CACNA2D3: variants seen among roughly 807,000 people sequenced by gnomAD.
CACNA2D3 encodes voltage-dependent calcium channel subunit alpha-2/delta-3.
A neutral mutation model predicts 160.6 loss-of-function variants in CACNA2D3; 60 were observed. The observed-to-expected ratio is 0.37, with a 90% CI of 0.30 to 0.46. The LOEUF (loss-of-function observed/expected upper bound fraction) is 0.46, where lower values mean the gene tolerates loss of function less well. Among genes scored for constraint, CACNA2D3 ranks in the 20% least tolerant of loss-of-function variants. CACNA2D3 has a pLI of 1.00. For missense variants in CACNA2D3, 1,205 were observed against 1,365.0 expected (o/e 0.88, Z 1.85); for synonymous variants, 558 against 492.9 (o/e 1.13, Z -1.75).
At chr3:54,761,980 C>T (rs1000574514) in intron 12 of CACNA2D3, among the ~76,000 whole-genome samples, 11 of 152,120 alleles carry the variant, frequency 7.2e-5, no homozygotes. Flanking sequence ...AACTCTGGAG[C>T]TAGTGCTGTG....
intron 12 of CACNA2D3, among the ~76,000 whole-genome samples, chr3:54,759,950 G>T (rs190661197): frequency 5.9e-5 from 9 of 152,338 alleles, no homozygotes; most frequent in Admixed American, 5.9e-4. Flanking sequence ...GTGAGCACAT[G>T]CTTTGGGCCA....
chr3:54,244,761 C>G (rs138376932), intron 2 of CACNA2D3, among the ~76,000 whole-genome samples: 11 of 152,322 alleles, frequency 7.2e-5, no homozygotes, highest in African/African-American at 2.6e-4. Context: ...ACTTTAGCTT[C>G]ATTGTAAGTA....
At chr3:54,796,604 G>C (rs1423698951) in intron 13 of CACNA2D3, among the ~76,000 whole-genome samples, 1 of 152,192 alleles carries the variant, frequency 6.6e-6, no homozygotes, top group Non-Finnish European at 1.5e-5. Context: ...ACTTAGACTA[G>C]AATCACAGCA....
At chr3:54,422,312 A>G (rs947994255) in intron 4 of CACNA2D3, among the ~76,000 whole-genome samples, 3 of 152,324 alleles carry the variant, frequency 2.0e-5, no homozygotes, top group Non-Finnish European at 4.4e-5. Context: ...CCCTAATTGC[A>G]GTAGTGTTAG....
intron 5 of CACNA2D3, among the ~76,000 whole-genome samples, chr3:54,554,039 G>A (rs1030760229): frequency 3.3e-5 from 5 of 152,054 alleles, no homozygotes; most frequent in South Asian, 2.1e-4. Context: ...AGTACCTCTC[G>A]CCAAGACACC....
intron 18 of CACNA2D3, among the ~76,000 whole-genome samples, chr3:54,876,724 A>C (rs994013938): frequency 6.6e-6 from 1 of 152,238 alleles, no homozygotes; most frequent in Non-Finnish European, 1.5e-5. Context: ...AAATGGAGAT[A>C]ATAACAGCAC....
At chr3:54,831,095 TATG>T (rs1157229588) in intron 14 of CACNA2D3, among the ~76,000 whole-genome samples, 4 of 152,172 alleles carry the variant, frequency 2.6e-5, no homozygotes, top group Non-Finnish European at 5.9e-5. Context: ...ATAGAAGAAA[TATG>T]ATATTTGATG....
chr3:54,351,004 T>A (rs1698553883), intron 3 of CACNA2D3, among the ~76,000 whole-genome samples: 1 of 131,188 alleles, frequency 7.6e-6, no homozygotes. Context: ...TTTTTTTTTT[T>A]TTGAGACAGA....
chr3:54,145,011 C>G (rs969425322), intron 2 of CACNA2D3, among the ~76,000 whole-genome samples: 1 of 152,184 alleles, frequency 6.6e-6, no homozygotes, highest in African/African-American at 2.4e-5. Flanking sequence ...CTCAGGGTGT[C>G]AAGCTTCACT....
At chr3:54,466,383 A>C (rs560030865) in intron 4 of CACNA2D3, among the ~76,000 whole-genome samples, 1 of 152,220 alleles carries the variant, frequency 6.6e-6, no homozygotes, top group African/African-American at 2.4e-5. Context: ...ATCACTGTTA[A>C]TGCTGGTTAT....
intron 13 of CACNA2D3, among the ~76,000 whole-genome samples, chr3:54,788,723 G>A (rs769723097): frequency 6.6e-6 from 1 of 152,128 alleles, no homozygotes; most frequent in Admixed American, 6.6e-5. Flanking sequence ...CTGGGTCCAA[G>A]TTTCTCTACT....
chr3:54,414,221 A>G lies in CACNA2D3; in HGVS notation c.381+27447A>G, dbSNP rs576881789. Among the ~76,000 whole-genome samples, 451 of 152,134 alleles carry G rather than the reference A, an allele frequency of 3.0e-3. 4 individuals are homozygous for G. Among genetic ancestry groups the G allele is most frequent in the African/African-American group, 1.0e-2 (414 of 41,564 alleles). Reference sequence around the variant, plus strand: ...GAACAACATTGACTTATTCATTCCAAAAGAACTACACAAGGCCATCTTCTA... The same window carrying G: ...GAACAACATTGACTTATTCATTCCAGAAGAACTACACAAGGCCATCTTCTA... On this transcript the variant is annotated intron_variant, in intron 4 of 37. Transcript: ENST00000474759.
At chr3:54,867,086 G>A (rs188779133) in intron 17 of CACNA2D3, among the ~76,000 whole-genome samples, 2 of 152,292 alleles carry the variant, frequency 1.3e-5, no homozygotes, top group Non-Finnish European at 2.9e-5. Flanking sequence ...GGAAGTTACA[G>A]ATTATAGATA....
At chr3:54,142,138 A>AG (rs1699949941) in intron 2 of CACNA2D3, among the ~76,000 whole-genome samples, 1 of 152,212 alleles carries the variant, frequency 6.6e-6, no homozygotes, top group Non-Finnish European at 1.5e-5. Context: ...AAGGTGGAAG[A>AG]GGGGTCCCTG....
In CACNA2D3 at chr3:54,417,363, G is replaced by A. The variant is rs1356393914; in HGVS notation, c.381+30589G>A. Among the ~76,000 whole-genome samples the A allele has an allele frequency of 3.9e-5, 6 of 152,294 alleles. No homozygotes were observed. The East Asian group carries it at 1.2e-3, about 29-fold the overall frequency. On this transcript the variant is annotated intron_variant, in intron 4 of 37. Coordinates refer to ENST00000474759, the MANE Select transcript of CACNA2D3 (RefSeq NM_018398.3). ...TTTCTTGTTTGGAGTATTTTCTTTA[G>A]TAGCCAGAGATTCTGATGTTTTACT...
intron 4 of CACNA2D3, among the ~76,000 whole-genome samples, chr3:54,392,412 G>T (rs1216641282): frequency 6.6e-6 from 1 of 152,158 alleles, no homozygotes; most frequent in Non-Finnish European, 1.5e-5. Context: ...TGCACAGAGC[G>T]GGTGCACAGA....
At chr3:54,976,817 T>C (rs1575417839) in intron 29 of CACNA2D3, among the ~76,000 whole-genome samples, 1 of 151,894 alleles carries the variant, frequency 6.6e-6, no homozygotes, top group East Asian at 1.9e-4. Context: ...GAAGTGGGAG[T>C]GGGAGGGAGC....
intron 27 of CACNA2D3, among the ~76,000 whole-genome samples, chr3:54,956,489 C>G (rs187606760): frequency 9.2e-5 from 14 of 152,306 alleles, no homozygotes; most frequent in Admixed American, 8.5e-4. Flanking sequence ...GCATGGGCCA[C>G]ATGGTCTTAA....
At chr3:54,746,257 GA>G (rs1241187164) in intron 11 of CACNA2D3, among the ~76,000 whole-genome samples, 1 of 152,202 alleles carries the variant, frequency 6.6e-6, no homozygotes, top group Admixed American at 6.5e-5. Flanking sequence ...ATTTTATTCA[GA>G]AATGCTTCTC....
Sources: gnomAD v4.1 joint callset for allele counts (sites outside exome capture counted in the v4.1 genomes callset) on GRCh38, gnomAD v4.1.1 for gene constraint, MANE v1.5 for transcripts, NCBI Gene and HGNC (gene_info 2026-07-23, HGNC 2026-07-21) for gene names.